Variants in DAB1 observed in about 807,000 individuals in gnomAD.
DAB1 encodes the protein DAB adaptor protein 1.
Under a neutral mutation model 64.6 loss-of-function variants are expected in DAB1, and 15 were observed. The ratio of observed to expected loss-of-function variants is 0.23; its 90% CI spans 0.16 to 0.36. DAB1 has a LOEUF of 0.36. Ranked by LOEUF, DAB1 falls within the 10% of genes least tolerant of loss-of-function variation. The pLI, the probability that DAB1 is intolerant of heterozygous loss-of-function variation, is 1.00. For synonymous variants in DAB1, 235 were observed against 251.9 expected, an observed-to-expected ratio of 0.93 and a Z score of 0.64; for missense variants, 596 against 706.7, an observed-to-expected ratio of 0.84 and a Z score of 1.78.
At chr1:57,335,702 C>T (rs1274826045) in intron 1 of DAB1, among the ~76,000 whole-genome samples, 6 of 152,144 alleles carry the variant, frequency 3.9e-5, no homozygotes. Flanking sequence ...GATAAACTCT[C>T]TTTTATTTGT....
intron 4 of DAB1, among the ~76,000 whole-genome samples, chr1:58,184,750 T>C (rs1030529551): frequency 6.6e-6 from 1 of 152,232 alleles, no homozygotes; most frequent in African/African-American, 2.4e-5. Context: ...GATGTTTTGC[T>C]ACATGACATT....
At chr1:57,128,192 T>TA (rs1657329267) in intron 4 of DAB1, among the ~76,000 whole-genome samples, 3 of 146,102 alleles carry the variant, frequency 2.1e-5, no homozygotes, top group East Asian at 2.0e-4. Flanking sequence ...AATAAATAAA[T>TA]AATACAATTC....
chr1:57,585,389 T>C (rs2101560040), intron 7 of DAB1, among the ~76,000 whole-genome samples: 1 of 152,320 alleles, frequency 6.6e-6, no homozygotes, highest in East Asian at 1.9e-4. Flanking sequence ...TTTTAATTTG[T>C]TGCCAATATT....
chr1:58,389,740 T>C (rs1337248996), intron 3 of DAB1, among the ~76,000 whole-genome samples: 1 of 152,202 alleles, frequency 6.6e-6, no homozygotes, highest in East Asian at 1.9e-4. Flanking sequence ...CCACTTCATC[T>C]GCTAGAATAG....
chr1:58,324,544 A>T (rs183933327), intron 4 of DAB1, among the ~76,000 whole-genome samples: 1 of 152,300 alleles, frequency 6.6e-6, no homozygotes, highest in East Asian at 1.9e-4. Context: ...TTGAGCAAGC[A>T]TAATTTAAAT....
rs555478743 is a variant in DAB1, at chr1:57,536,904, G to A, written n.625+112688C>T. 2.0e-5 allele frequency among the ~76,000 whole-genome samples: 3 copies of A among 152,262 alleles called. No homozygotes were observed. The East Asian group carries it at 5.8e-4, about 29-fold the overall frequency. ...CCCAAAGCATGGGGAATTGTGCCAT[G>A]TCAGGCCTGGCACCAGATGCTGGGG... On this transcript the variant is annotated intron_variant and non_coding_transcript_variant, in intron 7 of 20. Transcript: ENST00000485760.
chr1:58,077,853 A>C (rs1298593791), intron 5 of DAB1: 1 of 152,254 alleles, frequency 6.6e-6, no homozygotes, highest in Non-Finnish European at 1.5e-5. Context: ...GGCAGGGTGC[A>C]AGGAGTTGGC....
Position 57,055,358 on chromosome 1 carries a change from A to C in DAB1, c.723+7526T>G, listed in dbSNP as rs142451311. On this transcript the variant is annotated intron_variant, in intron 9 of 14. Transcript: ENST00000371236. The stretch of plus-strand genomic sequence containing the variant: ...AGAGACATCACAGGTCCAAATTAAA[A>C]TACACAACGAAAAGCATCCAAATGT... 2.7e-3 allele frequency among the ~76,000 whole-genome samples: 404 copies of C among 152,344 alleles called. 2 individuals carry two copies. Among genetic ancestry groups the C allele is most frequent in the African/African-American group, 9.4e-3 (389 of 41,578 alleles).
intron 1 of DAB1, among the ~76,000 whole-genome samples, chr1:57,421,416 C>T (rs34492687): frequency 0.031 from 4,728 of 152,262 alleles, 75 homozygotes; most frequent in South Asian, 0.042. Flanking sequence ...ATAAAAACTA[C>T]TAAAAATCAT....
intron 3 of DAB1, among the ~76,000 whole-genome samples, chr1:58,367,807 C>T (rs1367263653): frequency 6.6e-6 from 1 of 152,142 alleles, no homozygotes; most frequent in East Asian, 1.9e-4. Context: ...TGACCATGGG[C>T]TCATTAATGC....
intron 2 of DAB1, among the ~76,000 whole-genome samples, chr1:57,269,852 A>G (rs1000379368): frequency 6.6e-6 from 1 of 152,180 alleles, no homozygotes; most frequent in Non-Finnish European, 1.5e-5. Context: ...CATGTATGGC[A>G]GGAGGTAGCA....
intron 3 of DAB1, among the ~76,000 whole-genome samples, chr1:58,358,929 TTCTCTCTCTC>T (rs113642363): frequency 9.3e-6 from 1 of 107,468 alleles, no homozygotes; most frequent in East Asian, 3.1e-4. Context: ...CTTCCTTTCT[TTCTCTCTCTC>T]TCTCTCTCTC....
chr1:57,251,159 A>G (rs1172143118), intron 2 of DAB1, among the ~76,000 whole-genome samples: 2 of 152,224 alleles, frequency 1.3e-5, no homozygotes, highest in African/African-American at 4.8e-5. Context: ...CAGAAATGCT[A>G]CCAGATTTTA....
chr1:57,845,739 C>T (rs1419717446), intron 1 of DAB1, among the ~76,000 whole-genome samples: 1 of 152,114 alleles, frequency 6.6e-6, no homozygotes. Flanking sequence ...GAATATATGT[C>T]AAATGATTAA....
chr1:58,127,517 G>C (rs1653196404), intron 5 of DAB1, among the ~76,000 whole-genome samples: 1 of 151,718 alleles, frequency 6.6e-6, no homozygotes, highest in Non-Finnish European at 1.5e-5. Flanking sequence ...TGGTGTTTTA[G>C]ACATGAAGTC....
At chr1:57,324,672 C>T (rs1018763663) in intron 1 of DAB1, among the ~76,000 whole-genome samples, 1 of 152,052 alleles carries the variant, frequency 6.6e-6, no homozygotes, top group African/African-American at 2.4e-5. Context: ...ACCTTTCCTC[C>T]CTCCCTCCTG....
At chr1:58,442,793 G>A (rs1026518480) in intron 3 of DAB1, among the ~76,000 whole-genome samples, 3 of 152,134 alleles carry the variant, frequency 2.0e-5, no homozygotes, top group Admixed American at 2.0e-4. Context: ...GCTGAGGCAG[G>A]AGGATCACTT....
intron 9 of DAB1, among the ~76,000 whole-genome samples, chr1:57,047,240 G>A (rs75684192): frequency 1.2e-3 from 178 of 152,320 alleles, no homozygotes; most frequent in African/African-American, 4.1e-3. Flanking sequence ...AGCACATTAA[G>A]TGCCTAGCAC....
intron 1 of DAB1, among the ~76,000 whole-genome samples, chr1:57,829,219 C>G (rs560551401): frequency 6.6e-6 from 1 of 152,102 alleles, no homozygotes; most frequent in African/African-American, 2.4e-5. Context: ...AATTATGAGA[C>G]AGTATCTGAT....
Sources: allele counts gnomAD v4.1 joint callset (sites outside exome capture counted in the v4.1 genomes callset), GRCh38; gene constraint gnomAD v4.1.1; transcripts MANE v1.5; gene names NCBI Gene and HGNC (gene_info 2026-07-23, HGNC 2026-07-21).